The following SNTG1 variants were observed in gnomAD, a reference collection of about 807,000 sequenced individuals.
SNTG1 encodes the protein syntrophin gamma 1.
Under a neutral mutation model 74.7 loss-of-function variants are expected in SNTG1, and 39 were observed. The observed-to-expected ratio is 0.52, with a 90% confidence interval of 0.40 to 0.68. The LOEUF is 0.68. Ranked by LOEUF, SNTG1 falls within the 30% of genes least tolerant of loss-of-function variation. SNTG1 has a pLI of 0.00. For synonymous variants in SNTG1, 254 were observed against 217.1 expected (o/e 1.17, Z -1.49); for missense variants, 685 against 609.5 (o/e 1.12, Z -1.30).
At chr8:49,928,384 C>A (rs1041534666) in intron 1 of SNTG1, among the ~76,000 whole-genome samples, 14 of 151,834 alleles carry the variant, frequency 9.2e-5, no homozygotes, top group African/African-American at 3.4e-4. Flanking sequence ...GCACTCACCA[C>A]CGTGCCCAGC....
intron 18 of SNTG1, chr8:50,762,545 C>T: frequency 2.7e-6 from 1 of 374,290 alleles, no homozygotes; most frequent in Non-Finnish European, 5.3e-6. Context: ...CTTCTTAATG[C>T]AGGCAAAGAT....
intron 5 of SNTG1, among the ~76,000 whole-genome samples, chr8:50,441,027 G>A (rs755383478): frequency 3.9e-5 from 6 of 152,172 alleles, no homozygotes; most frequent in Non-Finnish European, 8.8e-5. Flanking sequence ...GACAGATCTT[G>A]GCTTGGGGAC....
intron 15 of SNTG1, among the ~76,000 whole-genome samples, chr8:50,659,801 C>G (rs1051342874): frequency 6.6e-6 from 1 of 152,154 alleles, no homozygotes; most frequent in Non-Finnish European, 1.5e-5. Context: ...TCATACACGA[C>G]TCCAGTTTTC....
At chr8:50,075,160 C>T (rs1167797431) in intron 1 of SNTG1, among the ~76,000 whole-genome samples, 1 of 152,188 alleles carries the variant, frequency 6.6e-6, no homozygotes, top group Non-Finnish European at 1.5e-5. Context: ...CCCCTGTGGG[C>T]TCCTGGGCAG....
chr8:50,222,977 A>C (rs2085146980), intron 2 of SNTG1, among the ~76,000 whole-genome samples: 1 of 152,196 alleles, frequency 6.6e-6, no homozygotes, highest in African/African-American at 2.4e-5. Context: ...AAATCAGAGA[A>C]AGAATAGTCA....
intron 12 of SNTG1, among the ~76,000 whole-genome samples, chr8:50,557,827 TC>T (rs2094465410): frequency 2.0e-5 from 3 of 152,220 alleles, no homozygotes; most frequent in Non-Finnish European, 4.4e-5. Context: ...TTTAGACAGT[TC>T]TGTCTGATTT....
chr8:50,328,206 G>T (rs528460493), intron 2 of SNTG1, among the ~76,000 whole-genome samples: 30 of 152,154 alleles, frequency 2.0e-4, no homozygotes, highest in African/African-American at 7.0e-4. Context: ...AGCATATTTT[G>T]CAAGACAGGG....
chr8:50,336,124 A>C (rs927141483), intron 2 of SNTG1, among the ~76,000 whole-genome samples: 1 of 152,190 alleles, frequency 6.6e-6, no homozygotes, highest in African/African-American at 2.4e-5. Flanking sequence ...TCCACATTCC[A>C]TTGGCTAAAA....
intron 1 of SNTG1, among the ~76,000 whole-genome samples, chr8:50,040,861 G>C (rs1818575647): frequency 6.6e-6 from 1 of 152,226 alleles, no homozygotes; most frequent in South Asian, 2.1e-4. Context: ...GCCCTTATCT[G>C]CTAGAGAAGC....
At chr8:50,103,199 A>G (rs1218155479) in intron 1 of SNTG1, among the ~76,000 whole-genome samples, 4 of 152,136 alleles carry the variant, frequency 2.6e-5, no homozygotes, top group African/African-American at 9.7e-5. Flanking sequence ...TGAGCATGGA[A>G]TGTTCTTCCA....
In SNTG1 at chr8:50,079,125, A is replaced by T. The variant is rs138268500; in HGVS notation, c.-102-93436A>T. Among the ~76,000 whole-genome samples the T allele has an allele frequency of 3.7e-3, 556 of 152,314 alleles. 2 individuals carry two copies. Among genetic ancestry groups the T allele is most frequent in the African/African-American group, 0.013 (537 of 41,582 alleles). ...TATTTCTGGTTTTAGAACCTTGAGG[A>T]ATCGCCACACTATGTTCCACAATGG... On this transcript the variant is annotated intron_variant, in intron 1 of 18. Transcript: ENST00000642720.
At chr8:50,372,295 C>G (rs553605305) in intron 2 of SNTG1, among the ~76,000 whole-genome samples, 1 of 150,502 alleles carries the variant, frequency 6.6e-6, no homozygotes, top group African/African-American at 2.4e-5. Context: ...TATTTTTTTT[C>G]GGGTTACCAT....
At chr8:50,036,368 CT>C (rs2130787731) in intron 1 of SNTG1, among the ~76,000 whole-genome samples, 1 of 152,286 alleles carries the variant, frequency 6.6e-6, no homozygotes, top group Non-Finnish European at 1.5e-5. Flanking sequence ...TCTCTTTTCT[CT>C]GCTTAAAACA....
At chr8:50,647,185 A>C (rs2095114636) in intron 13 of SNTG1, among the ~76,000 whole-genome samples, 1 of 152,172 alleles carries the variant, frequency 6.6e-6, no homozygotes, top group Non-Finnish European at 1.5e-5. Context: ...CAAAAACCAT[A>C]ATCCATGAAA....
At position 50,533,757 on chromosome 8, in the gene SNTG1, G is replaced by C. The variant is rs540484747; in HGVS notation, c.550-2921G>C. On this transcript the variant is annotated intron_variant, in intron 10 of 18. Transcript: ENST00000642720. ...CTTATTACATATTTCTTATAAAGAA[G>C]AAATATAAGAAAGTGACATACTTAT... Among the ~76,000 whole-genome samples the C allele has an allele frequency of 2.6e-5, 4 of 152,130 alleles. No individual in the cohort carries two copies. In the South Asian group the frequency reaches 8.3e-4, roughly 32 times the overall value.
chr8:50,262,860 CT>C (rs1047174312), intron 2 of SNTG1, among the ~76,000 whole-genome samples: 4 of 152,236 alleles, frequency 2.6e-5, no homozygotes, highest in South Asian at 2.1e-4. Context: ...TACAATGCTA[CT>C]CCAAATATAT....
chr8:50,795,987 C>T lies in SNTG1; in HGVS notation c.*3158C>T, dbSNP rs977129476. 6.6e-6 allele frequency: 1 copy of T among 151,908 alleles called. No individual in the cohort carries two copies. Among genetic ancestry groups the T allele is most frequent in the African/African-American group, 2.4e-5 (1 of 41,378 alleles). 9.4% of individuals were successfully genotyped at this position (151,908 alleles called of 1,614,324 possible). On this transcript the variant is annotated 3_prime_UTR_variant, in exon 19 of 19. Transcript: ENST00000642720. ...CTGTCATTCAGCAAGAAAAAGAAAG[C>T]AATTACTTGAAAATAAATGTCAAGT...
At chr8:50,229,344 C>A (rs1423426089) in intron 2 of SNTG1, among the ~76,000 whole-genome samples, 1 of 151,228 alleles carries the variant, frequency 6.6e-6, no homozygotes, top group Non-Finnish European at 1.5e-5. Flanking sequence ...TGCTGATACA[C>A]TATCAGAAAT....
intron 1 of SNTG1, among the ~76,000 whole-genome samples, chr8:50,008,346 G>A (rs1233326680): frequency 6.6e-6 from 1 of 152,124 alleles, no homozygotes; most frequent in Non-Finnish European, 1.5e-5. Flanking sequence ...GACTAAATGA[G>A]CTAATATGTA....
Sources: gnomAD v4.1 joint callset for allele counts (sites outside exome capture counted in the v4.1 genomes callset) on GRCh38, gnomAD v4.1.1 for gene constraint, MANE v1.5 for transcripts, NCBI Gene and HGNC (gene_info 2026-07-23, HGNC 2026-07-21) for gene names.